The following USP32 variants were observed in gnomAD, a reference collection of about 807,000 sequenced individuals.
USP32 encodes the protein ubiquitin carboxyl-terminal hydrolase 32.
Under a neutral mutation model 204.8 loss-of-function variants are expected in USP32, and 59 were observed. The observed-to-expected ratio is 0.29, with a 90% confidence interval of 0.23 to 0.36. The LOEUF is 0.36. USP32 is among the 10% of genes least tolerant of loss of function. USP32 has a pLI of 1.00. For missense variants in USP32, 1,160 were observed against 1,946.4 expected (o/e 0.60, Z 7.60); for synonymous variants, 517 against 678.4 (o/e 0.76, Z 3.70).
rs1170290439 is a variant in USP32 at position 60,179,227 on chromosome 17, A to C, written c.*28T>G. 6.2e-7 allele frequency: 1 copy of C among 1,602,018 alleles called. No individual in the cohort carries two copies. The highest frequency in any genetic ancestry group is 1.7e-5 in the Admixed American group (1 of 59,390). On this transcript the variant is annotated 3_prime_UTR_variant, in exon 34 of 34. Transcript: ENST00000300896. ...ACAAGGAGTCATCTCCCTCACCGCC[A>C]AGCTGTCTAGCAGCCAGAGTGGTAG...
chr17:60,332,849 T>C (rs2088423645), intron 2 of USP32, among the ~76,000 whole-genome samples: 1 of 152,206 alleles, frequency 6.6e-6, no homozygotes, highest in South Asian at 2.1e-4. Flanking sequence ...CTGAGATTCA[T>C]TCATGTTGTT....
chr17:60,287,037 C>G (rs1012314932), intron 5 of USP32, among the ~76,000 whole-genome samples: 1 of 152,164 alleles, frequency 6.6e-6, no homozygotes, highest in Non-Finnish European at 1.5e-5. Flanking sequence ...ATAATCCCAG[C>G]TACTCAGGAG....
chr17:60,389,474 C>G (rs1598310272), intron 1 of USP32, among the ~76,000 whole-genome samples: 1 of 151,350 alleles, frequency 6.6e-6, no homozygotes, highest in Non-Finnish European at 1.5e-5. Context: ...ACCCGGGAGG[C>G]GGAGGTTGCA....
intron 11 of USP32, 75 bp from the exon 12 acceptor site, chr17:60,236,315 A>C: frequency 7.8e-7 from 1 of 1,284,404 alleles, no homozygotes; most frequent in South Asian, 1.2e-5. Context: ...TTATCATTAG[A>C]AGTTTTATAA....
intron 15 of USP32, 26 bp downstream of exon 15, chr17:60,222,383 T>A (rs779328477): frequency 1.2e-6 from 2 of 1,604,218 alleles, no homozygotes; most frequent in Admixed American, 1.7e-5. Flanking sequence ...CTGCTCCTTA[T>A]ATAAGGCACT....
At chr17:60,236,078 G>T in intron 12 of USP32, 60 bp downstream of exon 12, 1 of 1,333,216 alleles carries the variant, frequency 7.5e-7, no homozygotes. Context: ...ATTATTGGCT[G>T]GAAGTCTCAC....
intron 1 of USP32, among the ~76,000 whole-genome samples, chr17:60,362,162 C>T (rs911470179): frequency 2.6e-5 from 4 of 152,096 alleles, no homozygotes; most frequent in African/African-American, 9.7e-5. Flanking sequence ...CTTCTGTTCC[C>T]CCAGCATCCC....
intron 1 of USP32, among the ~76,000 whole-genome samples, chr17:60,405,630 A>G (rs1342251593): frequency 1.3e-5 from 2 of 152,116 alleles, no homozygotes; most frequent in Admixed American, 6.5e-5. Flanking sequence ...GCCTAGTGGC[A>G]TGTTGCCTAT....
Position 60,195,139 on chromosome 17 carries a change from G to T in USP32, c.3435-2209C>A, listed in dbSNP as rs567287081. Among the ~76,000 whole-genome samples, 9 of 152,284 alleles carry T rather than the reference G, an allele frequency of 5.9e-5. No individual in the cohort carries two copies. In the South Asian group the frequency reaches 1.7e-3, roughly 28 times the overall value. ...TGGCTATCTTTTTTAATGTCCGAAG[G>T]ACATAACCCACTCCAATCTCTACTC... On this transcript the variant is annotated intron_variant, in intron 27 of 33. Transcript: ENST00000300896.
chr17:60,364,488 T>C (rs2089275775), intron 1 of USP32, among the ~76,000 whole-genome samples: 1 of 152,182 alleles, frequency 6.6e-6, no homozygotes, highest in Admixed American at 6.5e-5. Context: ...CAAGTAACTT[T>C]CGTGCCTCAG....
intron 26 of USP32, among the ~76,000 whole-genome samples, chr17:60,203,822 G>A (rs1423461737): frequency 6.6e-6 from 1 of 152,084 alleles, no homozygotes; most frequent in South Asian, 2.1e-4. Flanking sequence ...CGATCCACCC[G>A]CTTCGGCCTC....
At chr17:60,399,093 A>T (rs2089917876) in intron 1 of USP32, among the ~76,000 whole-genome samples, 3 of 152,200 alleles carry the variant, frequency 2.0e-5, no homozygotes, top group Admixed American at 1.3e-4. Flanking sequence ...GGAAGAGGGC[A>T]GGAAGCCTAG....
chr17:60,303,737 G>A (rs775048340), intron 2 of USP32, among the ~76,000 whole-genome samples: 22 of 152,240 alleles, frequency 1.4e-4, no homozygotes, highest in South Asian at 2.1e-4. Context: ...CAGAAAGAAG[G>A]AAAAACCCAA....
chr17:60,246,868 A>G (rs2086041633), intron 11 of USP32, among the ~76,000 whole-genome samples: 1 of 152,114 alleles, frequency 6.6e-6, no homozygotes, highest in Non-Finnish European at 1.5e-5. Context: ...TCACTTGCCC[A>G]TTTTTAAATT....
intron 26 of USP32, 85 bp from the exon 27 acceptor site, chr17:60,198,529 C>T: frequency 6.8e-7 from 1 of 1,474,754 alleles, no homozygotes; most frequent in East Asian, 2.3e-5. Context: ...CTGCCAATGA[C>T]AGGCACTATC....
intron 2 of USP32, among the ~76,000 whole-genome samples, chr17:60,324,467 T>C (rs2088184453): frequency 6.6e-6 from 1 of 151,970 alleles, no homozygotes; most frequent in Non-Finnish European, 1.5e-5. Context: ...ACCCCTGAGA[T>C]CAATGGGTTC....
At chr17:60,193,118 C>T (rs572018574) in intron 27 of USP32, among the ~76,000 whole-genome samples, 188 bp from the exon 28 acceptor site, 25 of 152,344 alleles carry the variant, frequency 1.6e-4, no homozygotes, top group African/African-American at 5.8e-4. Context: ...TCTGGCTTCC[C>T]ATCCTCTATC....
chr17:60,255,820 C>T (rs2086288459), intron 9 of USP32, among the ~76,000 whole-genome samples: 1 of 151,910 alleles, frequency 6.6e-6, no homozygotes, highest in East Asian at 1.9e-4. Context: ...AAATACTGCC[C>T]ATTTTCTTTA....
chr17:60,222,615 C>T (rs2085280631), intron 14 of USP32, 66 bp from the exon 15 acceptor site: 2 of 1,503,136 alleles, frequency 1.3e-6, no homozygotes, highest in East Asian at 2.3e-5. Context: ...CTCAGCAATA[C>T]CTAGAAACAG....
Sources: allele counts gnomAD v4.1 joint callset (sites outside exome capture counted in the v4.1 genomes callset), GRCh38; gene constraint gnomAD v4.1.1; transcripts MANE v1.5; gene names NCBI Gene and HGNC (gene_info 2026-07-23, HGNC 2026-07-21).